XRCC4: variants seen among roughly 807,000 people sequenced by gnomAD.
XRCC4 encodes the protein DNA repair protein XRCC4.
XRCC4 carries 28 observed loss-of-function variants against 39.1 expected under a neutral mutation model. The observed-to-expected ratio is 0.72, with a 90% CI of 0.53 to 0.98. The LOEUF is 0.98. Ranked by LOEUF, XRCC4 falls within the 50% of genes least tolerant of loss-of-function variation. The probability of loss-of-function intolerance (pLI) is 0.00; values close to 1 mark genes in which losing one functional copy is unlikely to be tolerated. For missense variants in XRCC4, 350 were observed against 376.4 expected (o/e 0.93, Z 0.58); for synonymous variants, 123 against 126.4 (o/e 0.97, Z 0.18).
At chr5:83,151,259 TTATATGAATAGTTTA>T (rs1748688685) in intron 3 of XRCC4, among the ~76,000 whole-genome samples, 1 of 152,118 alleles carries the variant, frequency 6.6e-6, no homozygotes, top group Non-Finnish European at 1.5e-5. Flanking sequence ...GGGTAGTCTT[TTATATGAATAGTTTA>T]TAGTCTCTGA....
At chr5:83,179,408 G>T (rs536849727) in intron 3 of XRCC4, among the ~76,000 whole-genome samples, 1 of 152,260 alleles carries the variant, frequency 6.6e-6, no homozygotes, top group East Asian at 1.9e-4. Flanking sequence ...CTTTGAAAAA[G>T]CTAGGGGCGG....
intron 7 of XRCC4, among the ~76,000 whole-genome samples, chr5:83,312,345 A>G (rs1215394145): frequency 6.6e-6 from 1 of 152,232 alleles, no homozygotes; most frequent in African/African-American, 2.4e-5. Flanking sequence ...CAGAATTTAC[A>G]CAAAGAGTTT....
intron 7 of XRCC4, among the ~76,000 whole-genome samples, chr5:83,346,748 A>G (rs1756928904): frequency 6.6e-6 from 1 of 152,216 alleles, no homozygotes; most frequent in Non-Finnish European, 1.5e-5. Flanking sequence ...TAGGTACTGT[A>G]AATGACCAGA....
At chr5:83,335,399 A>G (rs1332784559) in intron 7 of XRCC4, among the ~76,000 whole-genome samples, 1 of 151,844 alleles carries the variant, frequency 6.6e-6, no homozygotes, top group Non-Finnish European at 1.5e-5. Flanking sequence ...CATAGTACAC[A>G]TTTAATAGTA....
intron 3 of XRCC4, among the ~76,000 whole-genome samples, chr5:83,138,527 A>C (rs1030380313): frequency 6.6e-6 from 1 of 152,128 alleles, no homozygotes; most frequent in African/African-American, 2.4e-5. Context: ...ATGGAAGTAT[A>C]CTTACAAAGT....
intron 6 of XRCC4, among the ~76,000 whole-genome samples, chr5:83,240,260 G>A (rs1752854973): frequency 6.6e-6 from 1 of 152,188 alleles, no homozygotes. Context: ...GAGTTTATGT[G>A]GCAGAGTGGT....
At chr5:83,192,844 G>A (rs1425608976) in intron 3 of XRCC4, among the ~76,000 whole-genome samples, 1 of 152,118 alleles carries the variant, frequency 6.6e-6, no homozygotes, top group Non-Finnish European at 1.5e-5. Context: ...TGGCTGTGCT[G>A]TACCATTCAA....
the XRCC4 span, among the ~76,000 whole-genome samples, chr5:83,359,336 C>A: frequency 6.6e-6 from 1 of 152,110 alleles, no homozygotes. Flanking sequence ...ACCACATGAC[C>A]CTGCCCCACT....
At chr5:83,302,528 C>T (rs972041900) in intron 7 of XRCC4, among the ~76,000 whole-genome samples, 1 of 152,136 alleles carries the variant, frequency 6.6e-6, no homozygotes. Context: ...CACCCACTGT[C>T]TAACCAGTCC....
chr5:83,173,074 A>G (rs2112625248), intron 3 of XRCC4, among the ~76,000 whole-genome samples: 1 of 152,270 alleles, frequency 6.6e-6, no homozygotes, highest in Non-Finnish European at 1.5e-5. Flanking sequence ...ATCCATGTTT[A>G]TGAAAAAAAC....
intron 3 of XRCC4, among the ~76,000 whole-genome samples, chr5:83,184,103 G>A (rs1170973592): frequency 2.6e-5 from 4 of 151,860 alleles, no homozygotes; most frequent in African/African-American, 9.7e-5. Flanking sequence ...AAATTTGGCA[G>A]AATTTTTAAT....
rs1180812917 is a variant in XRCC4, at chr5:83,338,558, A to G, written c.894-14573A>G. 4.6e-5 allele frequency among the ~76,000 whole-genome samples: 7 copies of G among 152,182 alleles called. No individual in the cohort carries two copies. The East Asian group carries it at 1.2e-3, about 25-fold the overall frequency. On this transcript the variant is annotated intron_variant, in intron 7 of 7. Coordinates refer to ENST00000396027, the MANE Select transcript of XRCC4 (RefSeq NM_003401.5). ...ATGACATCTAAAAGCTTCCTCCACT[A>G]TGAAGTTTGGAGAATTATTATTTTT...
At chr5:83,365,817 A>C in the XRCC4 span, among the ~76,000 whole-genome samples, 3 of 152,226 alleles carry the variant, frequency 2.0e-5, no homozygotes, top group African/African-American at 7.2e-5. Flanking sequence ...TAAATAAATA[A>C]TTAAGATGAT....
intron 3 of XRCC4, among the ~76,000 whole-genome samples, chr5:83,125,439 A>G (rs1747212113): frequency 1.3e-5 from 2 of 152,304 alleles, no homozygotes; most frequent in South Asian, 4.1e-4. Flanking sequence ...TCTATAATCT[A>G]TTTTGAATTC....
At chr5:83,095,335 A>G (rs1011950174) in intron 1 of XRCC4, among the ~76,000 whole-genome samples, 3 of 152,184 alleles carry the variant, frequency 2.0e-5, no homozygotes, top group African/African-American at 7.2e-5. Context: ...ATTTGAGTTC[A>G]GCAGTTGGAC....
At position 83,263,800 on chromosome 5, in the gene XRCC4, G is replaced by A. The variant is rs1409213119; in HGVS notation, c.893+5123G>A. On this transcript the variant is annotated intron_variant, in intron 7 of 7. Transcript: ENST00000396027. Reference sequence around the variant, plus strand: ...TTTTCTCCCATTTTGTAGGTTGCCTGTTCACTCTGATGGTAGTTTCTTTTG... The same window carrying A: ...TTTTCTCCCATTTTGTAGGTTGCCTATTCACTCTGATGGTAGTTTCTTTTG... Among the ~76,000 whole-genome samples the A allele has an allele frequency of 6.0e-5, 9 of 151,060 alleles. No individual in the cohort carries two copies. The South Asian group carries it at 1.9e-3, about 31-fold the overall frequency.
At chr5:83,240,457 A>C (rs1201413424) in intron 6 of XRCC4, among the ~76,000 whole-genome samples, 1 of 152,204 alleles carries the variant, frequency 6.6e-6, no homozygotes, top group Non-Finnish European at 1.5e-5. Flanking sequence ...GCTGAGAACT[A>C]TGTGGAGATA....
chr5:83,370,500 G>A, the XRCC4 span, among the ~76,000 whole-genome samples: 1 of 152,248 alleles, frequency 6.6e-6, no homozygotes, highest in South Asian at 2.1e-4. Flanking sequence ...ACACAGAGGA[G>A]GGCTAGTGCA....
intron 3 of XRCC4, among the ~76,000 whole-genome samples, chr5:83,184,130 CAATT>C (rs201198114): frequency 0.017 from 2,520 of 151,854 alleles, 55 homozygotes; most frequent in African/African-American, 0.058. Context: ...TTTAGAAAGA[CAATT>C]AAGGTTTGAA....
Sources: allele counts gnomAD v4.1 joint callset (sites outside exome capture counted in the v4.1 genomes callset), GRCh38; gene constraint gnomAD v4.1.1; transcripts MANE v1.5; gene names NCBI Gene and HGNC (gene_info 2026-07-23, HGNC 2026-07-21).